The following MYH3 variants were observed in gnomAD, a reference collection of about 807,000 sequenced individuals.
The protein encoded by MYH3 is myosin heavy chain 3.
Under a neutral mutation model 238.0 loss-of-function variants are expected in MYH3, and 130 were observed. That is an observed-to-expected ratio of 0.55 (90% CI 0.47 to 0.63). The LOEUF (loss-of-function observed/expected upper bound fraction) is 0.63. Ranked by LOEUF, MYH3 falls within the 30% of genes least tolerant of loss-of-function variation. The probability of loss-of-function intolerance (pLI) is 0.00; values close to 1 mark genes in which losing one functional copy is unlikely to be tolerated. For missense variants in MYH3, 1,853 were observed against 2,374.9 expected (o/e 0.78, Z 4.57); for synonymous variants, 880 against 924.1 (o/e 0.95, Z 0.86).
intron 13 of MYH3, 29 bp downstream of exon 13, chr17:10,644,555 G>A (rs1242896758): frequency 6.2e-7 from 1 of 1,612,942 alleles, no homozygotes; most frequent in Non-Finnish European, 8.5e-7. Flanking sequence ...GCAGGGTCCT[G>A]CACCCTTTCC....
At chr17:10,648,405 G>T in intron 8 of MYH3, 152 bp downstream of exon 8, 1 of 750,694 alleles carries the variant, frequency 1.3e-6, no homozygotes, top group South Asian at 1.5e-5. Context: ...CATTGAACTT[G>T]GTCTGAATTT....
At chr17:10,657,499 C>T (rs899874863), upstream of MYH3, among the ~76,000 whole-genome samples, 7 of 152,178 alleles carry the variant, frequency 4.6e-5, no homozygotes, top group Admixed American at 2.0e-4. Context: ...ATTTTCCGAC[C>T]GCAGAATGTC....
In MYH3 at chr17:10,632,399, G is replaced by A. The variant is rs185979959; in HGVS notation, c.4956+77C>T. ...CTCCCAGAGCGCTGGGACTACAGGC[G>A]TGCACCACTGTGCCCAGCCTACATT... On this transcript the variant is annotated intron_variant, in intron 34 of 40. Coordinates refer to ENST00000583535, the MANE Select transcript of MYH3 (RefSeq NM_002470.4). The A allele has an allele frequency of 3.2e-5, 48 of 1,503,508 alleles. No individual in the cohort carries two copies. The East Asian group carries it at 4.7e-4, about 15-fold the overall frequency. The allele number at this position is 1,503,508 out of a possible 1,614,324, so 93.1% of individuals were successfully genotyped here. A position where few individuals can be genotyped will look rare whatever the true frequency, so the allele number is the denominator to read the frequency against.
At position 10,651,523 on chromosome 17, in the gene MYH3, A is replaced by T. The variant is rs1218567403; in HGVS notation, c.494T>A (p.Phe165Tyr). ...IFSISDNAYQ[F>Y]MLTDRENQSI... ...CCTGGGAAACTCACCAGTCAGCATG[A>T]ACTGATAGGCGTTGTCAGAGATGGA... Residue 165 changes from phenylalanine to tyrosine, a missense_variant, in exon 5 of 41, where the codon TTC becomes TAC. Physicochemically the swap from Phe to Tyr is conservative, Grantham distance 22 (BLOSUM62 3). Transcript: ENST00000583535. 1 of 1,613,570 alleles carries T rather than the reference A, an allele frequency of 6.2e-7. No individual in the cohort carries two copies. The highest frequency in any genetic ancestry group is 8.5e-7 in the Non-Finnish European group (1 of 1,179,846).
rs1463722293 is a variant in MYH3, at chr17:10,655,011, C to T, written c.54G>A (p.Arg18=). ...EVFGIAAPFL[R]KSEKERIEAQ... The stretch of plus-strand genomic sequence containing the variant: ...CCTCGATCCTCTCCTTTTCTGACTT[C>T]CGGAGGAAAGGAGCAGCTATGCCGA... Residue 18 remains arginine (R), a synonymous_variant, in exon 3 of 41, where the codon CGG becomes CGA. Transcript: ENST00000583535. 1 of 1,614,200 alleles carries T rather than the reference C, an allele frequency of 6.2e-7. No individual in the cohort carries two copies. Among genetic ancestry groups the T allele is most frequent in the Admixed American group, 1.7e-5 (1 of 60,020 alleles).
chr17:10,651,491 G>A, intron 5 of MYH3, 21 bp downstream of exon 5: 1 of 1,612,792 alleles, frequency 6.2e-7, no homozygotes, highest in Non-Finnish European at 8.5e-7. Flanking sequence ...AGCATCCCAT[G>A]CTTCCTCCTG....
Position 10,638,233 on chromosome 17 carries a change from T to C in MYH3, c.3539A>G (p.Glu1180Gly), listed in dbSNP as rs1567555174. 4.3e-6 allele frequency: 7 copies of C among 1,613,948 alleles called. No homozygotes were observed. The highest frequency in any genetic ancestry group is 1.1e-5 in the South Asian group (1 of 91,064). Residue 1180 changes from glutamate to glycine, a missense_variant, in exon 27 of 41, where the codon GAG becomes GGG. This residue lies in a region of MYH3 where 1,044 missense variants were observed against 1,192.6 expected (regional missense o/e 0.88). Coordinates refer to ENST00000583535, the MANE Select transcript of MYH3 (RefSeq NM_002470.4). The part of the protein sequence containing the change: ...AEFLKLRRDL[E>G]EATLQHEAMV... ...GGCTTCGTGCTGCAGTGTGGCCTCC[T>C]CCAGGTCCCTGCGCAGCTTCAGGAA...
chr17:10,644,438 G>A lies in MYH3; in HGVS notation c.1323C>T (p.Val441=). ...SVYEKLFLWM[V]TRINQQLDTK... is the part of the protein sequence containing the mutation. ...TATCCAGTTGCTGGTTAATGCGAGT[G>A]ACCATCCACAAGAACAACTTTTCAT... Residue 441 remains valine, a synonymous_variant, in exon 14 of 41, where the codon GTC becomes GTT. Transcript: ENST00000583535. 6.2e-7 allele frequency: 1 copy of A among 1,613,950 alleles called. No individual in the cohort carries two copies. The highest frequency in any genetic ancestry group is 1.3e-5 in the African/African-American group (1 of 75,054).
the MYH3 span, among the ~76,000 whole-genome samples, chr17:10,670,762 G>A: frequency 3.3e-5 from 5 of 151,326 alleles, no homozygotes; most frequent in East Asian, 3.9e-4. This position sits in a 1 kb window ranked among gnomAD's most constrained non-coding sequence, Gnocchi z 7.0. Context: ...AAACTTCTAC[G>A]GCTTACTTGC....
At chr17:10,655,676 T>C (rs1050353247) in intron 2 of MYH3, among the ~76,000 whole-genome samples, 29 of 151,924 alleles carry the variant, frequency 1.9e-4, no homozygotes, top group African/African-American at 5.8e-4. Context: ...TTTTTTGAGA[T>C]GGAGTCTCAC....
rs2074237790 is a variant in MYH3, at chr17:10,638,383, CG to C, written c.3388del (p.Arg1130AlafsTer18). The C allele has an allele frequency of 6.2e-7, 1 of 1,603,346 alleles. No homozygotes were observed. The highest frequency in any genetic ancestry group is 8.5e-7 in the Non-Finnish European group (1 of 1,179,950). On this transcript the variant is annotated frameshift_variant, in exon 27 of 41. Transcript: ENST00000583535. LOFTEE classifies it high-confidence loss of function. ...EEEIEAERAT[R>X]AKTEKQRSDY... ...GCTGCGCTGTTTCTCTGTCTTCGCG[CG>C]GGTGGCCCTCTCCGCCTCTATCTCC...
the MYH3 span, chr17:10,675,881 C>A: frequency 6.6e-6 from 1 of 152,088 alleles, no homozygotes; most frequent in Non-Finnish European, 1.5e-5. Context: ...CTTCCTTGAA[C>A]TGGGTGCAAA....
rs777648005 is a variant in MYH3, at chr17:10,639,684, T to C, written c.2801A>G (p.Asn934Ser). ...CCTCTTCTTGGCCGTCAGCTCAGCA[T>C]TGATCTCCTCCTCATCTTCAGCTCT... ...TERAEDEEEI[N>S]AELTAKKRKL... Residue 934 changes from asparagine (N) to serine (S), a missense_variant, in exon 23 of 41, where the codon AAT becomes AGT. By Grantham distance (46) the Asn-to-Ser change is conservative. This residue lies in a region of MYH3 where 678 missense variants were observed against 1,058.9 expected (regional missense o/e 0.64). Coordinates refer to ENST00000583535, the MANE Select transcript of MYH3 (RefSeq NM_002470.4). The C allele has an allele frequency of 1.4e-5, 22 of 1,614,030 alleles. No homozygotes were observed. Among genetic ancestry groups the C allele is most frequent in the Non-Finnish European group, 1.7e-5 (20 of 1,180,046 alleles).
In MYH3 at chr17:10,650,752, A is replaced by T. The variant is rs1182114485; in HGVS notation, c.506-351T>A. Among the ~76,000 whole-genome samples, 3 of 152,186 alleles carry T rather than the reference A, an allele frequency of 2.0e-5. No homozygotes were observed. In the East Asian group the frequency reaches 5.8e-4, roughly 29 times the overall value. The stretch of plus-strand genomic sequence containing the variant: ...CTATTTTAGGGATTTTGAAATATAC[A>T]ATGCATTATTACTTATCGGAGTCAC... On this transcript the variant is annotated intron_variant, in intron 5 of 40. Transcript: ENST00000583535.
chr17:10,651,537 G>A lies in MYH3; in HGVS notation c.480C>T (p.Asp160=), dbSNP rs747006481. The change falls in exon 5 of 41, where the codon GAC becomes GAT. Residue 160 remains aspartate (D), a synonymous_variant. Transcript: ENST00000583535. ...EAPPHIFSIS[D]NAYQFMLTDR... is the part of the protein sequence containing the mutation. ...CAGTCAGCATGAACTGATAGGCGTT[G>A]TCAGAGATGGAGAAGATGTGGGGTG... 5.2e-5 allele frequency: 84 copies of A among 1,613,750 alleles called. No homozygotes were observed. Among genetic ancestry groups the A allele is most frequent in the Non-Finnish European group, 6.7e-5 (79 of 1,179,880 alleles).
At chr17:10,665,194 G>A in the MYH3 span, among the ~76,000 whole-genome samples, 1 of 151,966 alleles carries the variant, frequency 6.6e-6, no homozygotes, top group African/African-American at 2.4e-5. Context: ...CCAGGCTGGA[G>A]TGCAGTGGCA....
In MYH3 at chr17:10,647,096, G is replaced by C. The variant is rs1218324022; in HGVS notation, c.898+86C>G. 3.1e-6 allele frequency: 3 copies of C among 970,986 alleles called. No homozygotes were observed. The African/African-American group carries it at 4.8e-5, about 16-fold the overall frequency. 60.1% of individuals were successfully genotyped at this position (970,986 alleles called of 1,614,324 possible). A position where few individuals can be genotyped will look rare whatever the true frequency, so the allele number is the denominator to read the frequency against. On this transcript the variant is annotated intron_variant, in intron 10 of 40. Coordinates refer to ENST00000583535, the MANE Select transcript of MYH3 (RefSeq NM_002470.4). ...ATAAACTTTCCCTGTTGACTGTAGA[G>C]TCACTCTACGTAGATACAACTCTCC...
chr17:10,629,874 C>T lies in MYH3; in HGVS notation c.5626G>A (p.Val1876Ile). 6.2e-7 allele frequency: 1 copy of T among 1,614,190 alleles called. No individual in the cohort carries two copies. The highest frequency in any genetic ancestry group is 8.5e-7 in the Non-Finnish European group (1 of 1,180,046). The change falls in exon 39 of 41, where the codon GTC (valine) becomes ATC (isoleucine). Residue 1876 changes from valine (V) to isoleucine (I), a missense_variant. Physicochemically the swap from Val to Ile is conservative, Grantham distance 29. Transcript: ENST00000583535. ...QDLVDKLQVK[V>I]KSYKRQAEEA... is the part of the protein sequence containing the mutation. ...TCCGCCTGCCTCTTGTAGGACTTGA[C>T]TTTCACTTGCAGTTTATCCACCAGA...
the MYH3 span, chr17:10,672,542 G>GCGC: frequency 6.6e-6 from 1 of 152,090 alleles, no homozygotes; most frequent in African/African-American, 2.4e-5. Flanking sequence ...GCAGTTCAGT[G>GCGC]AGTTTTCACA....
Sources: gnomAD v4.1 joint callset for allele counts (sites outside exome capture counted in the v4.1 genomes callset) on GRCh38, gnomAD v4.1.1 for gene constraint, gnomAD v4.1.1 regional missense constraint, Gnocchi (gnomAD v3.1) non-coding constraint, MANE v1.5 for transcripts, NCBI Gene and HGNC (gene_info 2026-07-23, HGNC 2026-07-21) for gene names.